The following PAPPA2 variants were observed in gnomAD, a reference collection of about 807,000 sequenced individuals.
PAPPA2 encodes pappalysin-2.
PAPPA2 carries 86 observed loss-of-function variants against 176.4 expected under a neutral mutation model. The ratio of observed to expected loss-of-function variants is 0.49; its 90% confidence interval spans 0.41 to 0.58. The LOEUF is 0.58. Among genes scored for constraint, PAPPA2 ranks in the 20% least tolerant of loss-of-function variants. PAPPA2 has a pLI of 0.00. For synonymous variants in PAPPA2, 809 were observed against 852.2 expected (o/e 0.95, Z 0.88); for missense variants, 2,073 against 2,256.9 (o/e 0.92, Z 1.65).
intron 14 of PAPPA2, among the ~76,000 whole-genome samples, chr1:176,764,631 C>A (rs914161250): frequency 1.3e-5 from 2 of 148,286 alleles, no homozygotes; most frequent in African/African-American, 2.5e-5. Context: ...GAGTCTCGCT[C>A]TGTCGCTCAG....
chr1:176,710,624 T>C (rs1473035504), intron 11 of PAPPA2, among the ~76,000 whole-genome samples: 11 of 152,066 alleles, frequency 7.2e-5, no homozygotes, highest in Admixed American at 7.2e-4. Context: ...ATGACATCTA[T>C]GAGATATAGT....
intron 14 of PAPPA2, among the ~76,000 whole-genome samples, chr1:176,747,548 A>T (rs535725617): frequency 6.6e-6 from 1 of 152,330 alleles, no homozygotes; most frequent in East Asian, 1.9e-4. Flanking sequence ...AAGAAAAAAA[A>T]TCTGAGGAAA....
intron 2 of PAPPA2, among the ~76,000 whole-genome samples, chr1:176,560,039 C>T (rs1651570216): frequency 6.6e-6 from 1 of 152,124 alleles, no homozygotes; most frequent in Non-Finnish European, 1.5e-5. Context: ...GAGTAGGCAG[C>T]CACGTAGTGG....
intron 1 of PAPPA2, among the ~76,000 whole-genome samples, chr1:176,515,368 G>A (rs1648849195): frequency 6.6e-6 from 1 of 152,122 alleles, no homozygotes; most frequent in African/African-American, 2.4e-5. Flanking sequence ...ACTGTAAAAG[G>A]GCATTCTGGT....
intron 1 of PAPPA2, among the ~76,000 whole-genome samples, chr1:176,489,835 C>A (rs1390841928): frequency 6.6e-6 from 1 of 152,202 alleles, no homozygotes; most frequent in Non-Finnish European, 1.5e-5. Context: ...ATATATTTGT[C>A]TGCCCATCAT....
At chr1:176,825,903 A>G (rs1318112620) in intron 21 of PAPPA2, among the ~76,000 whole-genome samples, 1 of 152,210 alleles carries the variant, frequency 6.6e-6, no homozygotes, top group Non-Finnish European at 1.5e-5. Context: ...GTATCCAGGC[A>G]CATTTAGCTC....
chr1:176,797,287 GA>G (rs1359876195), intron 20 of PAPPA2, among the ~76,000 whole-genome samples: 1 of 152,104 alleles, frequency 6.6e-6, no homozygotes, highest in Non-Finnish European at 1.5e-5. Context: ...TTAGGCAAAG[GA>G]TATAAAGTTT....
intron 1 of PAPPA2, among the ~76,000 whole-genome samples, chr1:176,532,671 G>A (rs554284995): frequency 1.3e-5 from 2 of 152,196 alleles, no homozygotes; most frequent in East Asian, 1.9e-4. Context: ...GTGGGTCAAC[G>A]CAGCATCACT....
At chr1:176,618,138 T>G (rs919689588) in intron 3 of PAPPA2, among the ~76,000 whole-genome samples, 2 of 152,224 alleles carry the variant, frequency 1.3e-5, no homozygotes, top group African/African-American at 4.8e-5. Flanking sequence ...CTGACCCCAG[T>G]AAGTACTGAT....
chr1:176,526,242 C>T (rs183989758), intron 1 of PAPPA2, among the ~76,000 whole-genome samples: 178 of 152,286 alleles, frequency 1.2e-3, no homozygotes, highest in African/African-American at 4.0e-3. Flanking sequence ...GGGCCATTGC[C>T]GGCTGTGGAA....
chr1:176,781,263 G>A (rs1263546933), intron 17 of PAPPA2, among the ~76,000 whole-genome samples: 2 of 151,780 alleles, frequency 1.3e-5, no homozygotes, highest in Non-Finnish European at 2.9e-5. Flanking sequence ...AGTGAGGGGC[G>A]GGACATGGAA....
intron 14 of PAPPA2, among the ~76,000 whole-genome samples, chr1:176,754,057 G>A (rs1663307425): frequency 6.6e-6 from 1 of 150,628 alleles, no homozygotes; most frequent in Admixed American, 6.6e-5. Flanking sequence ...AGGTTATAGA[G>A]GAAAAATGAA....
chr1:176,563,497 C>T (rs1199479714), intron 2 of PAPPA2, among the ~76,000 whole-genome samples: 1 of 152,076 alleles, frequency 6.6e-6, no homozygotes, highest in Non-Finnish European at 1.5e-5. Context: ...TTTATTGGCA[C>T]ACATCCACAC....
intron 21 of PAPPA2, among the ~76,000 whole-genome samples, chr1:176,805,991 CAAAAAAAAAAAAAAA>C (rs11439850): frequency 1.3e-5 from 1 of 76,636 alleles, no homozygotes; most frequent in Non-Finnish European, 2.4e-5. Flanking sequence ...CTGTCTCTCT[CAAAAAAAAAAAAAAA>C]AAAAAAAAGG....
intron 21 of PAPPA2, among the ~76,000 whole-genome samples, chr1:176,813,463 C>G (rs10913258): frequency 0.46 from 70,436 of 152,018 alleles, 16,622 homozygotes; most frequent in East Asian, 0.72. Context: ...TGTTTCTTTA[C>G]TTTTTAATAA....
intron 12 of PAPPA2, among the ~76,000 whole-genome samples, chr1:176,720,659 G>A (rs569564526): frequency 6.6e-6 from 1 of 152,064 alleles, no homozygotes; most frequent in South Asian, 2.1e-4. Flanking sequence ...ATAATAAGAG[G>A]GTATTCATCA....
chr1:176,837,251 G>A (rs17378432), intron 21 of PAPPA2, among the ~76,000 whole-genome samples: 10,987 of 151,978 alleles, frequency 0.072, 438 homozygotes, highest in Non-Finnish European at 0.086. Flanking sequence ...AGGCTCATAC[G>A]TCATAAGAAG....
chr1:176,609,264 G>A (rs1178933103), intron 3 of PAPPA2, among the ~76,000 whole-genome samples: 1 of 152,210 alleles, frequency 6.6e-6, no homozygotes, highest in Admixed American at 6.5e-5. Flanking sequence ...TTCAACAAAT[G>A]TTAATTGAGT....
chr1:176,655,248 A>G (rs1177060682), intron 3 of PAPPA2, among the ~76,000 whole-genome samples: 1 of 151,790 alleles, frequency 6.6e-6, no homozygotes, highest in South Asian at 2.1e-4. Flanking sequence ...TGTTCCGTCT[A>G]TGCCTAGTTT....
Sources: allele counts gnomAD v4.1 joint callset (sites outside exome capture counted in the v4.1 genomes callset), GRCh38; gene constraint gnomAD v4.1.1; transcripts MANE v1.5; gene names NCBI Gene and HGNC (gene_info 2026-07-23, HGNC 2026-07-21).